Variants in DPT observed in about 807,000 individuals in gnomAD.
DPT encodes dermatopontin.
Under a neutral mutation model 31.2 loss-of-function variants are expected in DPT, and 21 were observed. That is an observed-to-expected ratio of 0.67 (90% CI 0.48 to 0.97). The LOEUF (loss-of-function observed/expected upper bound fraction) is 0.97, where lower values mean the gene tolerates loss of function less well. Among genes scored for constraint, DPT ranks in the 50% least tolerant of loss-of-function variants. The pLI is 0.00. For synonymous variants in DPT, 91 were observed against 86.9 expected (o/e 1.05, Z -0.26); for missense variants, 262 against 258.8 (o/e 1.01, Z -0.08).
At chr1:168,709,626 C>T (rs1242205166) in intron 2 of DPT, among the ~76,000 whole-genome samples, 1 of 152,168 alleles carries the variant, frequency 6.6e-6, no homozygotes, top group African/African-American at 2.4e-5. Context: ...TTCTGAATCC[C>T]TAAGTGCTCA....
chr1:168,728,496 C>G (rs529523054), intron 1 of DPT, among the ~76,000 whole-genome samples: 1 of 152,326 alleles, frequency 6.6e-6, no homozygotes, highest in Non-Finnish European at 1.5e-5. Context: ...TCCGATGGCA[C>G]AGAAAGTTTT....
intron 3 of DPT, among the ~76,000 whole-genome samples, chr1:168,697,691 C>T (rs1341670616): frequency 6.6e-6 from 1 of 152,190 alleles, no homozygotes; most frequent in Non-Finnish European, 1.5e-5. Flanking sequence ...ATAATTGTAG[C>T]CTCTAATATA....
At chr1:168,728,792 G>A (rs765311408) in intron 1 of DPT, 78 bp downstream of exon 1, 2 of 1,538,178 alleles carry the variant, frequency 1.3e-6, no homozygotes, top group Non-Finnish European at 1.8e-6. Flanking sequence ...GATATTCCTT[G>A]AGAGTCTAGC....
intron 1 of DPT, among the ~76,000 whole-genome samples, 165 bp from the exon 2 acceptor site, chr1:168,714,511 T>C (rs1176610427): frequency 6.6e-6 from 1 of 152,246 alleles, no homozygotes; most frequent in Non-Finnish European, 1.5e-5. Context: ...AGAAATAACA[T>C]AGCCCCTCCA....
chr1:168,726,999 G>A (rs116166752), intron 1 of DPT, among the ~76,000 whole-genome samples: 2,307 of 152,314 alleles, frequency 0.015, 57 homozygotes, highest in African/African-American at 0.053. Context: ...CAGTCCGGCT[G>A]AGCCCCTCCA....
intron 1 of DPT, among the ~76,000 whole-genome samples, chr1:168,724,905 C>T (rs1336121388): frequency 2.0e-5 from 3 of 152,144 alleles, no homozygotes; most frequent in South Asian, 2.1e-4. Flanking sequence ...CTAACACAAA[C>T]TGCCACTCCA....
At chr1:168,714,761 T>G (rs1301211409) in intron 1 of DPT, among the ~76,000 whole-genome samples, 1 of 152,236 alleles carries the variant, frequency 6.6e-6, no homozygotes, top group Non-Finnish European at 1.5e-5. Flanking sequence ...AAGCACAACG[T>G]ATTGATGAAT....
At chr1:168,696,682 G>T (rs1275755258) in intron 3 of DPT, 67 bp from the exon 4 acceptor site, 3 of 1,380,626 alleles carry the variant, frequency 2.2e-6, no homozygotes, top group African/African-American at 2.9e-5. Context: ...ATCGCTGCTG[G>T]GGAAACAGCA....
intron 2 of DPT, among the ~76,000 whole-genome samples, chr1:168,703,844 C>T (rs1308217751): frequency 5.3e-5 from 8 of 152,168 alleles, no homozygotes; most frequent in Non-Finnish European, 7.3e-5. Context: ...ACTATTGAGT[C>T]AATGTGGCCC....
At chr1:168,707,726 C>T (rs75706670) in intron 2 of DPT, among the ~76,000 whole-genome samples, 4,006 of 152,242 alleles carry the variant, frequency 0.026, 180 homozygotes, top group African/African-American at 0.09. Context: ...AGTGAGTTCT[C>T]ACGAGATCTG....
chr1:168,719,234 C>G (rs1650047023), intron 1 of DPT, among the ~76,000 whole-genome samples: 1 of 152,178 alleles, frequency 6.6e-6, no homozygotes, highest in South Asian at 2.1e-4. Context: ...TTTCTTGCTT[C>G]CGTTCTCTCC....
intron 2 of DPT, 30 bp downstream of exon 2, chr1:168,714,191 C>T: frequency 6.2e-7 from 1 of 1,613,862 alleles, no homozygotes; most frequent in Non-Finnish European, 8.5e-7. Flanking sequence ...CCCCAGGAGT[C>T]ATGAGGGTTT....
chr1:168,728,309 A>G (rs574892614), intron 1 of DPT, among the ~76,000 whole-genome samples: 1 of 152,232 alleles, frequency 6.6e-6, no homozygotes, highest in African/African-American at 2.4e-5. Flanking sequence ...ATTTAATTCC[A>G]CTTTCTTTTG....
At chr1:168,712,143 T>C (rs1465795573) in intron 2 of DPT, among the ~76,000 whole-genome samples, 1 of 152,158 alleles carries the variant, frequency 6.6e-6, no homozygotes, top group Admixed American at 6.5e-5. Context: ...TGGCCCCATA[T>C]CCTCCAGACA....
rs1414954504 is a variant in DPT at position 168,729,192 on chromosome 1, C to T, written c.-18G>A. 1 of 1,605,214 alleles carries T rather than the reference C, an allele frequency of 6.2e-7. No homozygotes were observed. Among genetic ancestry groups the T allele is most frequent in the Admixed American group, 1.7e-5 (1 of 59,314 alleles). On this transcript the variant is annotated 5_prime_UTR_variant, in exon 1 of 4. Transcript: ENST00000367817. ...AGGTCCATGCTGCCTGGGATTTTGG[C>T]AAACAATGTCACTCTAAGATTGCTG...
In DPT at chr1:168,717,611, T is replaced by C. The variant is rs189286030; in HGVS notation, c.306-3265A>G. Among the ~76,000 whole-genome samples the C allele has an allele frequency of 1.4e-3, 212 of 152,338 alleles. 1 individual carries two copies. Among genetic ancestry groups the C allele is most frequent in the African/African-American group, 4.9e-3 (205 of 41,582 alleles). On this transcript the variant is annotated intron_variant, in intron 1 of 3. Transcript: ENST00000367817. Reference sequence around the variant, plus strand: ...TTTGTTGCAATTGCTTTTGGTGTTTTTTATTATGAAGTCTTTGTCCATGCC... The same window carrying C: ...TTTGTTGCAATTGCTTTTGGTGTTTCTTATTATGAAGTCTTTGTCCATGCC...
At chr1:168,721,248 A>G (rs1650108656) in intron 1 of DPT, among the ~76,000 whole-genome samples, 1 of 152,168 alleles carries the variant, frequency 6.6e-6, no homozygotes, top group African/African-American at 2.4e-5. Context: ...CTAATTCCAA[A>G]CAGAATTGTT....
intron 1 of DPT, among the ~76,000 whole-genome samples, chr1:168,725,269 C>CCT (rs1650215675): frequency 7.3e-6 from 1 of 137,066 alleles, no homozygotes; most frequent in Admixed American, 7.4e-5. Context: ...CCCTTCCTTT[C>CCT]TTCCTTCCTT....
intron 1 of DPT, among the ~76,000 whole-genome samples, chr1:168,722,840 C>T (rs1465062783): frequency 8.7e-6 from 1 of 114,696 alleles, no homozygotes; most frequent in East Asian, 2.1e-4. Context: ...CTTCAAGATC[C>T]CTCAAAGAAA....
Sources: gnomAD v4.1 joint callset for allele counts (sites outside exome capture counted in the v4.1 genomes callset) on GRCh38, gnomAD v4.1.1 for gene constraint, MANE v1.5 for transcripts, NCBI Gene and HGNC (gene_info 2026-07-23, HGNC 2026-07-21) for gene names.